The following STT3B variants were observed in gnomAD, a reference collection of about 807,000 sequenced individuals.
STT3B encodes the protein dolichyl-diphosphooligosaccharide--protein glycosyltransferase subunit STT3B.
A neutral mutation model predicts 96.8 loss-of-function variants in STT3B; 29 were observed. That is an observed-to-expected ratio of 0.30 (90% CI 0.22 to 0.41). STT3B has a LOEUF of 0.41. Ranked by LOEUF, STT3B falls within the 10% of genes least tolerant of loss-of-function variation. The pLI, the probability that STT3B is intolerant of heterozygous loss-of-function variation, is 1.00. For synonymous variants in STT3B, 367 were observed against 360.0 expected, an observed-to-expected ratio of 1.02 and a Z score of -0.22; for missense variants, 640 against 1,022.3, an observed-to-expected ratio of 0.63 and a Z score of 5.10.
At chr3:31,620,274 C>CAA (rs536047611) in intron 9 of STT3B, 18,363 of 80,698 alleles carry the variant, frequency 0.23, 1,555 homozygotes, top group East Asian at 0.35. Context: ...GACTCTGTCT[C>CAA]AAAAAAAAAA....
Position 31,600,338 on chromosome 3 carries a change from C to CT in STT3B, c.778-20dup, listed in dbSNP as rs763092329. On this transcript the variant is annotated intron_variant, in intron 4 of 15. Transcript: ENST00000295770. The stretch of plus-strand genomic sequence containing the variant: ...TTAAAAAGTAAAAATATATATTTAA[C>CT]TTAGCACTTCTTTTCCTATAGGTCT... 3 of 1,083,306 alleles carry CT rather than the reference C, an allele frequency of 2.8e-6. No homozygotes were observed. The African/African-American group carries it at 4.7e-5, about 17-fold the overall frequency. 67.1% of individuals were successfully genotyped at this position (1,083,306 alleles called of 1,614,324 possible). A position where few individuals can be genotyped will look rare whatever the true frequency, so the allele number is the denominator to read the frequency against.
chr3:31,611,879 T>G (rs1699187938), intron 5 of STT3B, among the ~76,000 whole-genome samples: 1 of 152,186 alleles, frequency 6.6e-6, no homozygotes, highest in Non-Finnish European at 1.5e-5. Context: ...TTCTATGTCT[T>G]AAAATGTAGA....
chr3:31,551,254 C>T (rs1014619828), intron 1 of STT3B, among the ~76,000 whole-genome samples: 2 of 151,910 alleles, frequency 1.3e-5, no homozygotes, highest in East Asian at 1.9e-4. Context: ...CTTGTTCTGT[C>T]ACCCACAGTG....
intron 3 of STT3B, among the ~76,000 whole-genome samples, chr3:31,588,446 T>TA (rs1320243848): frequency 2.0e-5 from 3 of 152,064 alleles, no homozygotes; most frequent in Non-Finnish European, 2.9e-5. Flanking sequence ...CCTAATCCAT[T>TA]AAAAAAATCC....
intron 3 of STT3B, among the ~76,000 whole-genome samples, chr3:31,587,879 TCTATC>T (rs1276115625): frequency 6.6e-6 from 1 of 152,166 alleles, no homozygotes; most frequent in Non-Finnish European, 1.5e-5. Flanking sequence ...ATGCTGAACT[TCTATC>T]CTACTCCAAA....
chr3:31,582,577 G>C (rs1193463710), intron 3 of STT3B, among the ~76,000 whole-genome samples: 1 of 151,962 alleles, frequency 6.6e-6, no homozygotes, highest in Non-Finnish European at 1.5e-5. Context: ...ACAGGCATGA[G>C]CCACCGCGCC....
At chr3:31,614,777 T>TG (rs1234415103) in intron 5 of STT3B, among the ~76,000 whole-genome samples, 30 of 152,052 alleles carry the variant, frequency 2.0e-4, no homozygotes, top group Non-Finnish European at 4.0e-4. Context: ...TATGTATGTA[T>TG]TACTTAGCTT....
intron 3 of STT3B, among the ~76,000 whole-genome samples, chr3:31,590,310 T>C (rs1050743541): frequency 1.3e-5 from 2 of 151,990 alleles, no homozygotes; most frequent in African/African-American, 4.8e-5. Context: ...TTGCATTGAT[T>C]TCTTCGTCTT....
intron 6 of STT3B, among the ~76,000 whole-genome samples, chr3:31,615,421 G>C (rs1261762681): frequency 2.6e-5 from 4 of 151,768 alleles, no homozygotes; most frequent in Admixed American, 6.6e-5. Flanking sequence ...TATTTTATTT[G>C]TAACATCTGT....
intron 15 of STT3B, among the ~76,000 whole-genome samples, chr3:31,635,252 A>G (rs73826821): frequency 0.051 from 7,694 of 152,218 alleles, 674 homozygotes; most frequent in African/African-American, 0.17. Flanking sequence ...ATTGAAAGAC[A>G]TATGTGCCTA....
At chr3:31,617,895 A>G (rs1306389322) in intron 7 of STT3B, 45 bp from the exon 8 acceptor site, 1 of 1,337,608 alleles carries the variant, frequency 7.5e-7, no homozygotes, top group Admixed American at 1.7e-5. Flanking sequence ...GATTTACAAA[A>G]TAATAAAAAG....
Position 31,636,207 on chromosome 3 carries a change from T to G in STT3B, c.*143T>G. 1.9e-6 allele frequency: 1 copy of G among 531,584 alleles called. No homozygotes were observed. The highest frequency in any genetic ancestry group is 3.2e-6 in the Non-Finnish European group (1 of 311,420). The allele number at this position is 531,584 out of a possible 1,614,324, so 32.9% of individuals were successfully genotyped here. A position where few individuals can be genotyped will look rare whatever the true frequency, so the allele number is the denominator to read the frequency against. On this transcript the variant is annotated 3_prime_UTR_variant, in exon 16 of 16. Coordinates refer to ENST00000295770, the MANE Select transcript of STT3B (RefSeq NM_178862.3). ...ATGTACAAAATTTTCTGGCAATGCC[T>G]GATTAAAAAAATAAAATTGGCTTGT...
At chr3:31,548,307 A>G (rs929147240) in intron 1 of STT3B, among the ~76,000 whole-genome samples, 1 of 152,232 alleles carries the variant, frequency 6.6e-6, no homozygotes. Context: ...GCATAGTAAC[A>G]CAGGGAAAAT....
At chr3:31,565,404 G>A (rs1697979875) in intron 1 of STT3B, among the ~76,000 whole-genome samples, 1 of 152,156 alleles carries the variant, frequency 6.6e-6, no homozygotes, top group Admixed American at 6.5e-5. Flanking sequence ...GATAAAATAA[G>A]CATTTGTTGG....
At chr3:31,586,531 A>T (rs1698541459) in intron 3 of STT3B, among the ~76,000 whole-genome samples, 1 of 152,098 alleles carries the variant, frequency 6.6e-6, no homozygotes, top group African/African-American at 2.4e-5. Flanking sequence ...TTTAGGTTTA[A>T]CAGTCAGGTC....
intron 4 of STT3B, among the ~76,000 whole-genome samples, chr3:31,598,210 G>A (rs1445300051): frequency 1.3e-5 from 2 of 152,106 alleles, no homozygotes; most frequent in African/African-American, 4.8e-5. Flanking sequence ...AAAAGAACAG[G>A]AAATTTTGCC....
intron 2 of STT3B, among the ~76,000 whole-genome samples, chr3:31,578,422 T>C (rs1022782512): frequency 1.3e-5 from 2 of 152,042 alleles, no homozygotes; most frequent in Non-Finnish European, 2.9e-5. Flanking sequence ...GTTGTTGGGG[T>C]TTTATTTGTT....
At chr3:31,535,490 G>A (rs1394600524) in intron 1 of STT3B, among the ~76,000 whole-genome samples, 1 of 152,042 alleles carries the variant, frequency 6.6e-6, no homozygotes, top group South Asian at 2.1e-4. Flanking sequence ...TCGGAAAGCC[G>A]AGGCAGGTGG....
intron 1 of STT3B, among the ~76,000 whole-genome samples, chr3:31,550,172 T>C (rs975086039): frequency 1.3e-5 from 2 of 152,194 alleles, no homozygotes; most frequent in Non-Finnish European, 2.9e-5. Context: ...AGGCAGAAAT[T>C]AAGAGATGGT....
Sources: allele counts gnomAD v4.1 joint callset (sites outside exome capture counted in the v4.1 genomes callset), GRCh38; gene constraint gnomAD v4.1.1; transcripts MANE v1.5; gene names NCBI Gene and HGNC (gene_info 2026-07-23, HGNC 2026-07-21).